The following FGF13 variants were observed in gnomAD, a reference collection of about 807,000 sequenced individuals.
The protein encoded by FGF13 is fibroblast growth factor homologous factor 2.
In FGF13, 2 loss-of-function variants were observed where a neutral mutation model predicts 19.5. The ratio of observed to expected loss-of-function variants is 0.10; its 90% CI spans 0.04 to 0.32. FGF13 has a LOEUF of 0.32. Ranked by LOEUF, FGF13 falls within the 10% of genes least tolerant of loss-of-function variation. FGF13 has a pLI of 1.00. For missense variants in FGF13, 113 were observed against 192.7 expected, an observed-to-expected ratio of 0.59 and a Z score of 2.45; for synonymous variants, 72 against 76.9, an observed-to-expected ratio of 0.94 and a Z score of 0.33.
chrX:138,983,479 C>T (rs1262505180), intron 1 of FGF13, among the ~76,000 whole-genome samples: 1 of 99,976 alleles, frequency 1.0e-5, no homozygotes, highest in African/African-American at 3.6e-5. Context: ...AGTGAGAGAT[C>T]ATCCCATACC....
At chrX:139,141,891 T>C (rs981554784) in intron 1 of FGF13, among the ~76,000 whole-genome samples, 1 of 112,292 alleles carries the variant, frequency 8.9e-6, no homozygotes, top group African/African-American at 3.2e-5. Context: ...AAGTGCCTTA[T>C]AATACAGCTC....
At chrX:139,058,809 C>T (rs144756096) in intron 1 of FGF13, among the ~76,000 whole-genome samples, 50 of 111,120 alleles carry the variant, frequency 4.5e-4, no homozygotes, top group African/African-American at 1.4e-3. Context: ...TTCGTATATG[C>T]AGAGGAGATT....
At chrX:138,847,154 A>AT (rs949651090) in intron 3 of FGF13, among the ~76,000 whole-genome samples, 1 of 111,880 alleles carries the variant, frequency 8.9e-6, no homozygotes, top group Non-Finnish European at 1.9e-5. Context: ...GAAGCCATGG[A>AT]GGGGAGAAGG....
chrX:138,984,529 A>G (rs1201251199), intron 1 of FGF13, among the ~76,000 whole-genome samples: 1 of 20,973 alleles, frequency 4.8e-5, no homozygotes, highest in Non-Finnish European at 9.0e-5. Flanking sequence ...AAGAGGAAGA[A>G]GAAGAAGAAG....
intron 1 of FGF13, among the ~76,000 whole-genome samples, chrX:139,021,826 A>G (rs2092179352): frequency 8.9e-6 from 1 of 112,033 alleles, no homozygotes; most frequent in Non-Finnish European, 1.9e-5. Context: ...TAGGCTGAAG[A>G]TGGATTTTCA....
chrX:138,982,847 C>T (rs1266636143), intron 1 of FGF13, among the ~76,000 whole-genome samples: 2 of 112,127 alleles, frequency 1.8e-5, no homozygotes, highest in Non-Finnish European at 3.8e-5. Context: ...TTTGATTTGC[C>T]TTTCCCTGTT....
chrX:138,650,830 T>C (rs2089362978), intron 3 of FGF13, among the ~76,000 whole-genome samples: 1 of 111,759 alleles, frequency 8.9e-6, no homozygotes, highest in Non-Finnish European at 1.9e-5. Context: ...ATTCACCCTT[T>C]ACTGCTGCAC....
At chrX:138,881,804 T>C (rs911319052) in intron 1 of FGF13, among the ~76,000 whole-genome samples, 1 of 111,565 alleles carries the variant, frequency 9.0e-6, no homozygotes, top group Non-Finnish European at 1.9e-5. Context: ...TCTTTGTCAA[T>C]CTAAACAAAG....
intron 1 of FGF13, among the ~76,000 whole-genome samples, chrX:139,113,731 T>C (rs1052397651): frequency 8.9e-6 from 1 of 111,911 alleles, no homozygotes. Flanking sequence ...AGTGGTAGCA[T>C]GATAGAATAG....
rs751738936 is a variant in FGF13 at position 139,129,181 on chromosome X, A to G, written c.-113+74235T>C. Among the ~76,000 whole-genome samples, 110 of 87,093 alleles carry G rather than the reference A, an allele frequency of 1.3e-3. 1 individual carries two copies. Among genetic ancestry groups the G allele is most frequent in the South Asian group, 4.8e-3 (10 of 2,077 alleles). 75.6% of individuals were successfully genotyped at this position (87,093 alleles called of 115,157 possible). ...CACACACACACACACACACACACAC[A>G]TGTGTGTGTGTGTAATTTATGTAAT... On this transcript the variant is annotated intron_variant, in intron 1 of 2. Coordinates refer to the FGF13 transcript ENST00000421460.
chrX:139,073,270 CT>C (rs758662021), intron 1 of FGF13, among the ~76,000 whole-genome samples: 1 of 109,839 alleles, frequency 9.1e-6, no homozygotes, highest in Admixed American at 9.9e-5. Flanking sequence ...AAGAGCATAT[CT>C]TTTGAAATCA....
chrX:138,963,289 G>A (rs2091882270), intron 1 of FGF13, among the ~76,000 whole-genome samples: 1 of 113,097 alleles, frequency 8.8e-6, no homozygotes, highest in African/African-American at 3.2e-5. Flanking sequence ...AGCAGTTTGA[G>A]GAACATATCA....
intron 1 of FGF13, among the ~76,000 whole-genome samples, chrX:139,069,164 A>G (rs373780744): frequency 1.2e-4 from 11 of 88,519 alleles, no homozygotes; most frequent in East Asian, 7.1e-4. Flanking sequence ...ACATGCACAC[A>G]TATGTTTATT....
intron 2 of FGF13, among the ~76,000 whole-genome samples, chrX:138,703,745 G>A (rs957769547): frequency 1.4e-4 from 16 of 112,063 alleles, no homozygotes; most frequent in African/African-American, 5.2e-4. Flanking sequence ...ACAGAGTTTC[G>A]CTCTTGTTTC....
At chrX:139,013,430 A>T (rs1390233722) in intron 1 of FGF13, among the ~76,000 whole-genome samples, 1 of 102,496 alleles carries the variant, frequency 9.8e-6, no homozygotes, top group East Asian at 3.1e-4. Context: ...TTGCAAAAAT[A>T]TGAAACCAGC....
chrX:139,100,912 T>C (rs910687363), intron 1 of FGF13, among the ~76,000 whole-genome samples: 3 of 110,918 alleles, frequency 2.7e-5, no homozygotes, highest in Non-Finnish European at 5.7e-5. Context: ...ACTATTAATA[T>C]CATCCATTAT....
At chrX:139,131,381 G>C (rs866793227) in intron 1 of FGF13, among the ~76,000 whole-genome samples, 11 of 50,730 alleles carry the variant, frequency 2.2e-4, no homozygotes, top group African/African-American at 1.1e-3. Flanking sequence ...GAATATAGAG[G>C]GGTGTGTGTG....
At chrX:139,046,317 C>T (rs2092287153) in intron 1 of FGF13, among the ~76,000 whole-genome samples, 1 of 111,297 alleles carries the variant, frequency 9.0e-6, no homozygotes. Flanking sequence ...GAGGGATCCG[C>T]CCCCATAATC....
Position 138,622,464 on chromosome X carries a change from G to A in FGF13, c.*10386C>T, listed in dbSNP as rs984615977. ...AGGAATATCCCTAAATATAACAAAG[G>A]CCATATATATGACAAACTCACATCT... is the stretch of plus-strand genomic sequence containing the variant. On this transcript the variant is annotated 3_prime_UTR_variant, in exon 5 of 5. Transcript: ENST00000315930. 3.6e-5 allele frequency: 4 copies of A among 111,362 alleles called. No homozygotes were observed. Among genetic ancestry groups the A allele is most frequent in the Non-Finnish European group, 7.6e-5 (4 of 52,949 alleles). The allele number at this position is 111,362 out of a possible 1,213,427, so 9.2% of individuals were successfully genotyped here. A position where few individuals can be genotyped will look rare whatever the true frequency, so the allele number is the denominator to read the frequency against.
Sources: gnomAD v4.1 joint callset for allele counts (sites outside exome capture counted in the v4.1 genomes callset) on GRCh38, gnomAD v4.1.1 for gene constraint, MANE v1.5 for transcripts, NCBI Gene and HGNC (gene_info 2026-07-23, HGNC 2026-07-21) for gene names.